The following FMNL2 variants were observed in gnomAD, a reference collection of about 807,000 sequenced individuals.
FMNL2 encodes the protein formin-like protein 2.
In FMNL2, 51 loss-of-function variants were observed where a neutral mutation model predicts 130.2. The observed-to-expected ratio is 0.39, with a 90% CI of 0.31 to 0.49. The LOEUF (loss-of-function observed/expected upper bound fraction) is 0.49, where lower values mean the gene tolerates loss of function less well. FMNL2 is among the 20% of genes least tolerant of loss of function. The probability of loss-of-function intolerance (pLI) is 0.85; values close to 1 mark genes in which losing one functional copy is unlikely to be tolerated. For synonymous variants in FMNL2, 465 were observed against 467.1 expected (o/e 1.00, Z 0.06); for missense variants, 977 against 1,316.2 (o/e 0.74, Z 3.99).
intron 1 of FMNL2, among the ~76,000 whole-genome samples, chr2:152,338,832 C>CACACACACACACACACACAT (rs1553862392): frequency 4.1e-5 from 6 of 145,370 alleles, no homozygotes; most frequent in Admixed American, 7.0e-5. Context: ...CACACACACA[C>CACACACACACACACACACAT]ACACACACAC....
At chr2:152,590,620 A>G (rs1011076367) in intron 9 of FMNL2, among the ~76,000 whole-genome samples, 3 of 152,158 alleles carry the variant, frequency 2.0e-5, no homozygotes, top group South Asian at 4.1e-4. Context: ...TCTTTAAAAA[A>G]AAAAAACCTG....
At chr2:152,389,640 G>C (rs1684985706) in intron 1 of FMNL2, among the ~76,000 whole-genome samples, 1 of 152,212 alleles carries the variant, frequency 6.6e-6, no homozygotes, top group South Asian at 2.1e-4. Flanking sequence ...CACAGGACTA[G>C]AGCGCAGACC....
intron 15 of FMNL2, among the ~76,000 whole-genome samples, chr2:152,624,229 T>C (rs1354869969): frequency 6.6e-6 from 1 of 151,046 alleles, no homozygotes; most frequent in Non-Finnish European, 1.5e-5. Context: ...GTGATCTCGG[T>C]GCACTGCAAC....
intron 1 of FMNL2, among the ~76,000 whole-genome samples, chr2:152,383,510 T>C (rs1186584905): frequency 6.6e-6 from 1 of 151,988 alleles, no homozygotes; most frequent in Admixed American, 6.6e-5. Context: ...TGAGATGGGA[T>C]GATAGTTTGA....
At chr2:152,543,069 T>C (rs1304056388) in intron 3 of FMNL2, among the ~76,000 whole-genome samples, 1 of 152,236 alleles carries the variant, frequency 6.6e-6, no homozygotes, top group African/African-American at 2.4e-5. Flanking sequence ...GTCACTGCTA[T>C]TTCCAATTAC....
chr2:152,523,343 A>G (rs980830003), intron 2 of FMNL2, among the ~76,000 whole-genome samples: 7 of 152,178 alleles, frequency 4.6e-5, no homozygotes, highest in Admixed American at 4.6e-4. Context: ...CAAATTTGGT[A>G]TAAATGCTTA....
rs756534163 is a variant in FMNL2 at position 152,626,742 on chromosome 2, A to G, written c.2165+15A>G. On this transcript the variant is annotated intron_variant, in intron 17 of 25. Transcript: ENST00000288670. ...GCTATTCATGTGTAAGTTCAGGAAA[A>G]TTATATTCTAGTTAGTTTATGATAA... 3.8e-6 allele frequency: 6 copies of G among 1,589,570 alleles called. No homozygotes were observed. In the African/African-American group the frequency reaches 6.7e-5, roughly 18 times the overall value.
chr2:152,512,034 A>C (rs1692520339), intron 1 of FMNL2, among the ~76,000 whole-genome samples: 1 of 152,198 alleles, frequency 6.6e-6, no homozygotes, highest in Non-Finnish European at 1.5e-5. Context: ...GGTCTGTGCC[A>C]GCAAGCCTAG....
intron 16 of FMNL2, among the ~76,000 whole-genome samples, chr2:152,626,284 G>A (rs1041482088): frequency 2.6e-5 from 4 of 152,076 alleles, no homozygotes; most frequent in African/African-American, 7.2e-5. Context: ...TGATCCACCC[G>A]CCTTGGCCTC....
chr2:152,586,940 G>A (rs1228401265), intron 9 of FMNL2, among the ~76,000 whole-genome samples: 1 of 152,088 alleles, frequency 6.6e-6, no homozygotes, highest in Non-Finnish European at 1.5e-5. Flanking sequence ...TGTTTTGTCT[G>A]GGGCCTCATC....
At chr2:152,577,976 C>A (rs894186982) in intron 7 of FMNL2, among the ~76,000 whole-genome samples, 7 of 151,938 alleles carry the variant, frequency 4.6e-5, no homozygotes, top group African/African-American at 1.5e-4. Flanking sequence ...ATGCTAATGG[C>A]AATGAGTCTA....
intron 9 of FMNL2, among the ~76,000 whole-genome samples, chr2:152,583,533 G>C (rs1696903297): frequency 6.6e-6 from 1 of 152,196 alleles, no homozygotes; most frequent in African/African-American, 2.4e-5. Flanking sequence ...AAGGGATGGA[G>C]TATTCACGGA....
chr2:152,516,215 G>A (rs796193359), intron 1 of FMNL2, among the ~76,000 whole-genome samples: 6 of 152,156 alleles, frequency 3.9e-5, no homozygotes, highest in African/African-American at 1.2e-4. Context: ...CTAGAGATCC[G>A]TTGCACAATA....
At chr2:152,552,055 A>C (rs1367401759) in intron 4 of FMNL2, among the ~76,000 whole-genome samples, 1 of 152,182 alleles carries the variant, frequency 6.6e-6, no homozygotes, top group Non-Finnish European at 1.5e-5. Flanking sequence ...CTTTCTAGTT[A>C]TTTGACCTTA....
intron 1 of FMNL2, among the ~76,000 whole-genome samples, chr2:152,336,620 T>C (rs1443609167): frequency 1.3e-5 from 2 of 152,190 alleles, no homozygotes; most frequent in East Asian, 3.9e-4. Flanking sequence ...CCGAGGCTTG[T>C]GCTGTGAGCT....
intron 2 of FMNL2, among the ~76,000 whole-genome samples, chr2:152,537,402 T>TA (rs927276538): frequency 2.0e-5 from 3 of 151,920 alleles, no homozygotes; most frequent in African/African-American, 7.3e-5. Context: ...GAAGCTAACA[T>TA]ACGCCTTAGG....
intron 1 of FMNL2, among the ~76,000 whole-genome samples, chr2:152,416,238 A>T (rs940453607): frequency 6.6e-6 from 1 of 152,184 alleles, no homozygotes; most frequent in Non-Finnish European, 1.5e-5. Context: ...CAGGATGCCT[A>T]TGAGAGCTGG....
intron 13 of FMNL2, among the ~76,000 whole-genome samples, chr2:152,618,326 T>C (rs1257208724): frequency 6.6e-6 from 1 of 152,230 alleles, no homozygotes; most frequent in Non-Finnish European, 1.5e-5. Context: ...GGGGGCGTTG[T>C]GAGGGCCAGA....
At chr2:152,645,674 G>A (rs984686899) in intron 25 of FMNL2, 11 of 401,680 alleles carry the variant, frequency 2.7e-5, no homozygotes, top group Admixed American at 7.8e-5. Flanking sequence ...GAGCCTCTCT[G>A]TTGGACTCTT....
Sources: allele counts gnomAD v4.1 joint callset (sites outside exome capture counted in the v4.1 genomes callset), GRCh38; gene constraint gnomAD v4.1.1; transcripts MANE v1.5; gene names NCBI Gene and HGNC (gene_info 2026-07-23, HGNC 2026-07-21).